Variants in PCNX1 observed in about 807,000 individuals in gnomAD.
PCNX1 encodes the protein pecanex 1.
A neutral mutation model predicts 242.2 loss-of-function variants in PCNX1; 78 were observed. That is an observed-to-expected ratio of 0.32 (90% CI 0.27 to 0.39). The LOEUF (loss-of-function observed/expected upper bound fraction) is 0.39, where lower values mean the gene tolerates loss of function less well. PCNX1 is among the 10% of genes least tolerant of loss of function. The pLI, the probability that PCNX1 is intolerant of heterozygous loss-of-function variation, is 1.00. For missense variants in PCNX1, 2,581 were observed against 2,856.5 expected, an observed-to-expected ratio of 0.90 and a Z score of 2.20; for synonymous variants, 1,024 against 1,032.9, an observed-to-expected ratio of 0.99 and a Z score of 0.17.
In PCNX1 at chr14:71,055,486, A is replaced by C; in HGVS notation, c.4578-18A>C. The stretch of plus-strand genomic sequence containing the variant: ...TTTAATGTAAAGAAAGTTACTAAAA[A>C]TGTTTTATTTTCTTTAGCACAAAAC... On this transcript the variant is annotated intron_variant, in intron 24 of 35. Coordinates refer to ENST00000304743, the MANE Select transcript of PCNX1 (RefSeq NM_014982.3). The C allele has an allele frequency of 6.6e-7, 1 of 1,518,476 alleles. No homozygotes were observed. The highest frequency in any genetic ancestry group is 9.1e-7 in the Non-Finnish European group (1 of 1,097,910). The allele number at this position is 1,518,476 out of a possible 1,614,324, so 94.1% of individuals were successfully genotyped here. A position where few individuals can be genotyped will look rare whatever the true frequency, so the allele number is the denominator to read the frequency against.
At position 71,031,037 on chromosome 14, in the gene PCNX1, A is replaced by G. The variant is rs200246390; in HGVS notation, c.3558+2246A>G. On this transcript the variant is annotated intron_variant, in intron 16 of 35. Coordinates refer to ENST00000304743, the MANE Select transcript of PCNX1 (RefSeq NM_014982.3). ...TTAAACTTTCTGCAAACATCACTGA[A>G]AACTTCACCAAGTATACAAGACTTT... Among the ~76,000 whole-genome samples, 13 of 152,302 alleles carry G rather than the reference A, an allele frequency of 8.5e-5. No individual in the cohort carries two copies. In the East Asian group the frequency reaches 2.5e-3, roughly 29 times the overall value.
intron 19 of PCNX1, among the ~76,000 whole-genome samples, chr14:71,037,183 T>A (rs1305338192): frequency 1.3e-5 from 2 of 150,136 alleles, no homozygotes; most frequent in African/African-American, 4.9e-5. Flanking sequence ...TTAAGGAGAT[T>A]TTGGGCTGAG....
Position 71,105,064 on chromosome 14 carries a change from A to T in PCNX1, c.6096-171A>T, listed in dbSNP as rs192126385. Among the ~76,000 whole-genome samples, 506 of 152,328 alleles carry T rather than the reference A, an allele frequency of 3.3e-3. 4 individuals are homozygous for T. Among genetic ancestry groups the T allele is most frequent in the Middle Eastern group, 0.02 (6 of 294 alleles). On this transcript the variant is annotated intron_variant, in intron 32 of 35. Transcript: ENST00000304743. ...ATATGACGGGTATAGTTCTTAAGCC[A>T]CTCTTTGAAAACGTAATGAGTTTTT... is the stretch of plus-strand genomic sequence containing the variant.
At chr14:71,005,313 G>C (rs2059621751) in intron 8 of PCNX1, among the ~76,000 whole-genome samples, 2 of 152,098 alleles carry the variant, frequency 1.3e-5, no homozygotes. Context: ...AGACCAGCCT[G>C]GGCAGCATAG....
intron 6 of PCNX1, among the ~76,000 whole-genome samples, chr14:70,986,092 G>T (rs954664261): frequency 2.0e-5 from 3 of 152,132 alleles, no homozygotes; most frequent in Admixed American, 2.0e-4. Flanking sequence ...AATAGAACTG[G>T]ACCCCTACTC....
intron 25 of PCNX1, 87 bp downstream of exon 25, chr14:71,055,649 A>C (rs1303931539): frequency 1.4e-6 from 1 of 719,050 alleles, no homozygotes; most frequent in African/African-American, 1.8e-5. Flanking sequence ...CTTGTTGGGA[A>C]TCCTCTATGA....
intron 8 of PCNX1, among the ~76,000 whole-genome samples, chr14:71,008,680 A>AAAAG (rs2059737786): frequency 6.6e-6 from 1 of 151,134 alleles, no homozygotes; most frequent in African/African-American, 2.4e-5. Flanking sequence ...AAAAAAAAAA[A>AAAAG]AAGGGATTCC....
chr14:70,991,514 A>G (rs892708123), intron 7 of PCNX1, among the ~76,000 whole-genome samples: 2 of 151,990 alleles, frequency 1.3e-5, no homozygotes, highest in African/African-American at 4.8e-5. Flanking sequence ...CCTACTACTT[A>G]TTTTTAAAGG....
Position 71,015,905 on chromosome 14 carries a change from A to G in PCNX1, c.2996+2703A>G, listed in dbSNP as rs561342106. Among the ~76,000 whole-genome samples the G allele has an allele frequency of 4.6e-5, 7 of 152,136 alleles. No individual in the cohort carries two copies. In the South Asian group the frequency reaches 1.2e-3, roughly 27 times the overall value. On this transcript the variant is annotated intron_variant, in intron 11 of 35. Transcript: ENST00000304743. ...TACAAGGAAGGTACTTTAAATATAA[A>G]AACAGAAGACAGTGTGGTGGCTCAT...
intron 8 of PCNX1, among the ~76,000 whole-genome samples, chr14:71,000,566 G>A (rs143581942): frequency 1.5e-5 from 2 of 134,962 alleles, no homozygotes; most frequent in Non-Finnish European, 3.1e-5. Context: ...TCACTTTGTC[G>A]CCCAGGCTGG....
rs1315915050 is a variant in PCNX1 at position 70,940,431 on chromosome 14, C to CTT, written c.154-6482_154-6481dup. ...GAAATTCTGGGTTGAAAATTCTTTT[C>CTT]TTTAAGAATGTTGAATATTGGCCCC... On this transcript the variant is annotated intron_variant, in intron 1 of 35. Transcript: ENST00000304743. 2.6e-5 allele frequency among the ~76,000 whole-genome samples: 4 copies of CTT among 152,334 alleles called. No individual in the cohort carries two copies. In the South Asian group the frequency reaches 8.3e-4, roughly 32 times the overall value.
At chr14:70,994,873 ATAAT>A (rs1290201081) in intron 7 of PCNX1, among the ~76,000 whole-genome samples, 1 of 127,068 alleles carries the variant, frequency 7.9e-6, no homozygotes, top group East Asian at 3.2e-4. Context: ...TTTCTAATAA[ATAAT>A]TTTAATCTCA....
intron 13 of PCNX1, among the ~76,000 whole-genome samples, chr14:71,023,618 T>C (rs1426908694): frequency 6.6e-6 from 1 of 152,124 alleles, no homozygotes; most frequent in African/African-American, 2.4e-5. Context: ...TTATTTCACT[T>C]GAGTAACCAT....
chr14:71,041,369 A>C (rs531855256), intron 19 of PCNX1, among the ~76,000 whole-genome samples: 1 of 151,958 alleles, frequency 6.6e-6, no homozygotes, highest in East Asian at 1.9e-4. Flanking sequence ...TATGGCTTTG[A>C]TCTTTTTACT....
intron 30 of PCNX1, 94 bp downstream of exon 30, chr14:71,089,436 G>A: frequency 1.1e-6 from 1 of 901,724 alleles, no homozygotes; most frequent in Non-Finnish European, 1.7e-6. Context: ...CTGCTGTAAG[G>A]AATACCCGAG....
chr14:71,021,352 G>A (rs1254770474), intron 12 of PCNX1, among the ~76,000 whole-genome samples: 1 of 152,174 alleles, frequency 6.6e-6, no homozygotes, highest in Non-Finnish European at 1.5e-5. Flanking sequence ...ACTTTGGGCA[G>A]TATGGCCATT....
chr14:70,947,151 C>T (rs766033036), intron 2 of PCNX1, 28 bp downstream of exon 2: 22 of 1,439,058 alleles, frequency 1.5e-5, no homozygotes, highest in South Asian at 1.1e-4. Context: ...ATTGATTGAT[C>T]GTAATGATTT....
At chr14:70,939,423 T>G (rs554645989) in intron 1 of PCNX1, among the ~76,000 whole-genome samples, 3 of 152,248 alleles carry the variant, frequency 2.0e-5, no homozygotes, top group African/African-American at 7.2e-5. Flanking sequence ...TTGTACAGTT[T>G]CCATGTAGTT....
intron 18 of PCNX1, among the ~76,000 whole-genome samples, chr14:71,035,357 A>G (rs1208088019): frequency 5.3e-5 from 8 of 152,230 alleles, no homozygotes; most frequent in Non-Finnish European, 1.0e-4. Context: ...GGCATGCAGA[A>G]CTAGATACGT....
Sources: gnomAD v4.1 joint callset for allele counts (sites outside exome capture counted in the v4.1 genomes callset) on GRCh38, gnomAD v4.1.1 for gene constraint, MANE v1.5 for transcripts, NCBI Gene and HGNC (gene_info 2026-07-23, HGNC 2026-07-21) for gene names.